COL25A1: variants seen among roughly 807,000 people sequenced by gnomAD.
COL25A1 encodes collagen alpha-1(XXV) chain.
Under a neutral mutation model 128.4 loss-of-function variants are expected in COL25A1, and 103 were observed. The observed-to-expected ratio is 0.80, with a 90% CI of 0.68 to 0.94. The LOEUF (loss-of-function observed/expected upper bound fraction) is 0.94, where lower values mean the gene tolerates loss of function less well. Among genes scored for constraint, COL25A1 ranks in the 40% least tolerant of loss-of-function variants. COL25A1 has a pLI of 0.00. For missense variants in COL25A1, 745 were observed against 840.0 expected, an observed-to-expected ratio of 0.89 and a Z score of 1.40; for synonymous variants, 279 against 277.2, an observed-to-expected ratio of 1.01 and a Z score of -0.06.
chr4:109,028,020 T>A (rs1184685760), intron 5 of COL25A1, among the ~76,000 whole-genome samples: 1 of 152,200 alleles, frequency 6.6e-6, no homozygotes, highest in Non-Finnish European at 1.5e-5. Context: ...TAGATAATAG[T>A]TAAAGCCATG....
intron 37 of COL25A1, among the ~76,000 whole-genome samples, chr4:108,816,172 C>T (rs142502616): frequency 1.7e-3 from 252 of 152,164 alleles, no homozygotes; most frequent in Middle Eastern, 0.01. Flanking sequence ...AGGCTGAAAG[C>T]GGAGTATGGG....
intron 18 of COL25A1, among the ~76,000 whole-genome samples, chr4:108,885,879 G>A (rs1740712476): frequency 6.6e-6 from 1 of 152,048 alleles, no homozygotes; most frequent in Non-Finnish European, 1.5e-5. Flanking sequence ...TTGTCCAACG[G>A]GTGTTCTCGT....
intron 15 of COL25A1, 142 bp from the exon 16 acceptor site, chr4:108,896,853 C>T: frequency 1.4e-6 from 1 of 711,614 alleles, no homozygotes; most frequent in Non-Finnish European, 2.4e-6. Context: ...TGTATTTATA[C>T]TTGACCAGTT....
At position 109,196,651 on chromosome 4, in the gene COL25A1, G is replaced by A. The variant is rs568621915; in HGVS notation, c.367+103932C>T. 7.2e-5 allele frequency among the ~76,000 whole-genome samples: 11 copies of A among 152,248 alleles called. No homozygotes were observed. The South Asian group carries it at 2.3e-3, about 32-fold the overall frequency. On this transcript the variant is annotated intron_variant, in intron 3 of 37. Transcript: ENST00000399132. ...TTAGTGCAGCTCAGTGTAAAAAGAAGCCATTTCAAAACATTCTTCTGTGTG... is the reference window on the plus strand; with the variant it reads ...TTAGTGCAGCTCAGTGTAAAAAGAAACCATTTCAAAACATTCTTCTGTGTG...
At chr4:109,238,167 G>C (rs1321503958) in intron 3 of COL25A1, among the ~76,000 whole-genome samples, 1 of 151,922 alleles carries the variant, frequency 6.6e-6, no homozygotes, top group Non-Finnish European at 1.5e-5. Context: ...TTTCCCTTGA[G>C]GTATACACCC....
chr4:109,285,025 GA>G (rs1723738842), intron 3 of COL25A1, among the ~76,000 whole-genome samples: 1 of 152,084 alleles, frequency 6.6e-6, no homozygotes, highest in Non-Finnish European at 1.5e-5. Context: ...TAGAACTAGG[GA>G]AGTTTTTTTT....
intron 5 of COL25A1, among the ~76,000 whole-genome samples, chr4:109,025,814 C>A (rs138557885): frequency 1.3e-5 from 2 of 152,216 alleles, no homozygotes; most frequent in Admixed American, 6.5e-5. Context: ...AATAACCCTG[C>A]AAATTAGGGG....
At chr4:108,922,861 T>G (rs1745630356) in intron 11 of COL25A1, among the ~76,000 whole-genome samples, 1 of 152,226 alleles carries the variant, frequency 6.6e-6, no homozygotes, top group African/African-American at 2.4e-5. Context: ...ATAACTATGC[T>G]GCCAAGAATA....
At chr4:109,035,252 C>T (rs1206387604) in intron 5 of COL25A1, among the ~76,000 whole-genome samples, 4 of 152,118 alleles carry the variant, frequency 2.6e-5, no homozygotes, top group African/African-American at 4.8e-5. Flanking sequence ...TGTAAACCAT[C>T]GATTAACTGT....
intron 13 of COL25A1, among the ~76,000 whole-genome samples, chr4:108,906,915 A>G (rs576375154): frequency 6.6e-6 from 1 of 152,360 alleles, no homozygotes; most frequent in African/African-American, 2.4e-5. Flanking sequence ...GAAGATGTGA[A>G]GCACTGAACA....
At position 109,159,471 on chromosome 4, in the gene COL25A1, C is replaced by T. The variant is rs1218505453; in HGVS notation, c.368-109292G>A. Among the ~76,000 whole-genome samples, 4 of 152,138 alleles carry T rather than the reference C, an allele frequency of 2.6e-5. No individual in the cohort carries two copies. The East Asian group carries it at 5.8e-4, about 22-fold the overall frequency. ...ATGACAGGGAATCCTCTGCACCCCA[C>T]GCTTTCCAGCACCACCCCTGTCCCA... On this transcript the variant is annotated intron_variant, in intron 3 of 37. Coordinates refer to ENST00000399132, the MANE Select transcript of COL25A1 (RefSeq NM_198721.4).
At chr4:108,926,208 A>G (rs1746044852) in intron 11 of COL25A1, among the ~76,000 whole-genome samples, 1 of 152,178 alleles carries the variant, frequency 6.6e-6, no homozygotes, top group African/African-American at 2.4e-5. Context: ...CTCTTGGGAC[A>G]TGTTTTAAGG....
intron 3 of COL25A1, among the ~76,000 whole-genome samples, chr4:109,174,723 T>C (rs1175282054): frequency 6.6e-6 from 1 of 152,142 alleles, no homozygotes; most frequent in Non-Finnish European, 1.5e-5. Context: ...ATCAGTGGGG[T>C]AAAAGGAAGG....
intron 8 of COL25A1, among the ~76,000 whole-genome samples, chr4:108,971,775 G>T (rs574931442): frequency 6.6e-6 from 1 of 152,206 alleles, no homozygotes; most frequent in South Asian, 2.1e-4. Context: ...GATTATATAA[G>T]GTTAAGAGTG....
intron 3 of COL25A1, among the ~76,000 whole-genome samples, chr4:109,080,242 A>G (rs909579403): frequency 5.9e-5 from 9 of 152,200 alleles, no homozygotes; most frequent in African/African-American, 1.9e-4. Flanking sequence ...GTGAAGTTAA[A>G]TAATTTCTTA....
intron 6 of COL25A1, among the ~76,000 whole-genome samples, chr4:109,000,728 A>G (rs1480089922): frequency 2.9e-5 from 4 of 137,004 alleles, no homozygotes; most frequent in African/African-American, 5.3e-5. Context: ...CCTGGGCAAC[A>G]GAGTGAGACT....
intron 3 of COL25A1, among the ~76,000 whole-genome samples, chr4:109,288,838 C>A (rs994366052): frequency 2.0e-5 from 3 of 152,006 alleles, no homozygotes; most frequent in African/African-American, 7.2e-5. Flanking sequence ...CAGGAACTGT[C>A]TTTTAAATAA....
chr4:109,050,394 T>C (rs1482740986), intron 3 of COL25A1, among the ~76,000 whole-genome samples: 1 of 152,172 alleles, frequency 6.6e-6, no homozygotes, highest in Admixed American at 6.6e-5. Flanking sequence ...TACATGATCA[T>C]CTAGTGTTAC....
intron 3 of COL25A1, among the ~76,000 whole-genome samples, chr4:109,073,054 C>G (rs556835237): frequency 1.3e-5 from 2 of 152,180 alleles, no homozygotes; most frequent in South Asian, 4.1e-4. Context: ...CCTTCAGTTT[C>G]CAGATGGGAT....
Sources: gnomAD v4.1 joint callset for allele counts (sites outside exome capture counted in the v4.1 genomes callset) on GRCh38, gnomAD v4.1.1 for gene constraint, MANE v1.5 for transcripts, NCBI Gene and HGNC (gene_info 2026-07-23, HGNC 2026-07-21) for gene names.